TENM3: variants seen among roughly 807,000 people sequenced by gnomAD.
The protein encoded by TENM3 is teneurin-3.
In TENM3, 63 loss-of-function variants were observed where a neutral mutation model predicts 255.1. The ratio of observed to expected loss-of-function variants is 0.25; its 90% CI spans 0.20 to 0.30. The LOEUF is 0.30. Ranked by LOEUF, TENM3 falls within the 10% of genes least tolerant of loss-of-function variation. TENM3 has a pLI of 1.00. For synonymous variants in TENM3, 1,306 were observed against 1,322.3 expected (o/e 0.99, Z 0.27); for missense variants, 2,929 against 3,461.1 (o/e 0.85, Z 3.86).
At chr4:182,014,005 CGT>C in the TENM3 span, among the ~76,000 whole-genome samples, 20 of 67,432 alleles carry the variant, frequency 3.0e-4, no homozygotes, top group Admixed American at 6.6e-4. Context: ...CACATATATA[CGT>C]ATATATACGT....
chr4:181,450,162 A>G, the TENM3 span, among the ~76,000 whole-genome samples: 1 of 152,158 alleles, frequency 6.6e-6, no homozygotes, highest in Admixed American at 6.5e-5. Context: ...TGAATATCCA[A>G]ATTAAGTTCA....
intron 1 of TENM3, among the ~76,000 whole-genome samples, chr4:182,170,418 T>C (rs1752025471): frequency 6.6e-6 from 1 of 152,184 alleles, no homozygotes. Context: ...TCCTTAGAAG[T>C]TGGCAAATTA....
At chr4:182,060,806 C>T in the TENM3 span, among the ~76,000 whole-genome samples, 1 of 152,080 alleles carries the variant, frequency 6.6e-6, no homozygotes, top group Non-Finnish European at 1.5e-5. Context: ...TTCTGATGGC[C>T]ACTTGTTATA....
chr4:181,967,007 C>T, the TENM3 span, among the ~76,000 whole-genome samples: 2 of 147,804 alleles, frequency 1.4e-5, no homozygotes, highest in Non-Finnish European at 3.0e-5. Context: ...CTCTCTCTCG[C>T]TCTCTCTCTC....
the TENM3 span, among the ~76,000 whole-genome samples, chr4:181,616,782 TGA>T: frequency 1.3e-5 from 2 of 152,112 alleles, no homozygotes; most frequent in Non-Finnish European, 2.9e-5. Context: ...GCTCCAGAAA[TGA>T]GAGAGTAAAT....
At chr4:182,732,314 T>G (rs1233228501) in intron 16 of TENM3, among the ~76,000 whole-genome samples, 1 of 152,170 alleles carries the variant, frequency 6.6e-6, no homozygotes, top group African/African-American at 2.4e-5. Flanking sequence ...ACATGGCTAT[T>G]AGCCTCAATA....
At chr4:182,359,698 GT>G (rs1333134606) in intron 3 of TENM3, among the ~76,000 whole-genome samples, 4 of 149,648 alleles carry the variant, frequency 2.7e-5, no homozygotes, top group Non-Finnish European at 4.5e-5. Context: ...TTTTTGAAGG[GT>G]TTTTTGTGTC....
chr4:182,611,750 T>C (rs1020110180), intron 4 of TENM3, among the ~76,000 whole-genome samples: 6 of 152,238 alleles, frequency 3.9e-5, no homozygotes, highest in Admixed American at 2.0e-4. Context: ...TTAGAGAAGC[T>C]ATACTGTCTT....
At chr4:181,754,995 C>A in the TENM3 span, among the ~76,000 whole-genome samples, 4 of 152,104 alleles carry the variant, frequency 2.6e-5, no homozygotes, top group African/African-American at 9.7e-5. Context: ...CAAGGGCAAA[C>A]ATGAGGGTTT....
chr4:181,645,208 G>A, the TENM3 span, among the ~76,000 whole-genome samples: 4 of 152,218 alleles, frequency 2.6e-5, no homozygotes, highest in African/African-American at 9.6e-5. Flanking sequence ...GATGTTAGAA[G>A]CTTTTGGAAG....
the TENM3 span, among the ~76,000 whole-genome samples, chr4:181,949,896 T>C: frequency 2.6e-5 from 4 of 152,160 alleles, no homozygotes; most frequent in East Asian, 1.9e-4. Flanking sequence ...CTCCCTCAAA[T>C]TCACTTCCTC....
the TENM3 span, among the ~76,000 whole-genome samples, chr4:181,598,379 G>T: frequency 6.6e-6 from 1 of 152,086 alleles, no homozygotes; most frequent in Non-Finnish European, 1.5e-5. Context: ...CCACAACAGT[G>T]GTTGACCACC....
chr4:182,563,920 C>G (rs187598443), intron 3 of TENM3, among the ~76,000 whole-genome samples: 1 of 152,298 alleles, frequency 6.6e-6, no homozygotes, highest in East Asian at 1.9e-4. Flanking sequence ...CTAAAGGTAT[C>G]TCTTCCATGC....
the TENM3 span, among the ~76,000 whole-genome samples, chr4:182,066,257 T>C: frequency 4.6e-5 from 7 of 152,084 alleles, no homozygotes; most frequent in African/African-American, 1.4e-4. Flanking sequence ...CGTCAACCTT[T>C]TTTTTATGCG....
the TENM3 span, among the ~76,000 whole-genome samples, chr4:181,501,464 C>T: frequency 1.8e-3 from 281 of 151,916 alleles, no homozygotes; most frequent in African/African-American, 6.2e-3. Context: ...CCGCAACCTC[C>T]GCCTCCCGGG....
rs1428569093 is a variant in TENM3, at chr4:182,765,930, A to ATGCATAT, written c.4893-7529_4893-7523dup. 1.7e-4 allele frequency among the ~76,000 whole-genome samples: 26 copies of ATGCATAT among 152,240 alleles called. 2 individuals carry two copies. The highest frequency in any genetic ancestry group is 1.7e-3 in the Admixed American group (26 of 15,286). Reference sequence around the variant, plus strand: ...CCAAATTTCCTCTGCTAAAACAGTTATGCATATTGCATATTGCATTTCGGT... The same window carrying ATGCATAT: ...CCAAATTTCCTCTGCTAAAACAGTTATGCATATTGCATATTGCATATTGCATTTCGGT... On this transcript the variant is annotated intron_variant, in intron 22 of 27. Transcript: ENST00000511685.
intron 3 of TENM3, among the ~76,000 whole-genome samples, chr4:182,402,705 C>G (rs994033548): frequency 6.6e-6 from 1 of 152,044 alleles, no homozygotes; most frequent in Admixed American, 6.6e-5. Flanking sequence ...TTTCTTATCC[C>G]ACAACTACAA....
the TENM3 span, among the ~76,000 whole-genome samples, chr4:181,873,373 A>G: frequency 9.9e-5 from 15 of 151,904 alleles, no homozygotes; most frequent in Non-Finnish European, 1.8e-4. Flanking sequence ...CCGGCCTAAT[A>G]TAAGTATTTT....
chr4:181,785,681 A>T, the TENM3 span, among the ~76,000 whole-genome samples: 1 of 151,988 alleles, frequency 6.6e-6, no homozygotes, highest in Non-Finnish European at 1.5e-5. Flanking sequence ...GTATAATGCA[A>T]ATATTCCAAA....
Sources: gnomAD v4.1 joint callset for allele counts (sites outside exome capture counted in the v4.1 genomes callset) on GRCh38, gnomAD v4.1.1 for gene constraint, MANE v1.5 for transcripts, NCBI Gene and HGNC (gene_info 2026-07-23, HGNC 2026-07-21) for gene names.